The following PPP6R2 variants were observed in gnomAD, a reference collection of about 807,000 sequenced individuals.
PPP6R2 encodes the protein protein phosphatase 6 regulatory subunit 2.
PPP6R2 carries 62 observed loss-of-function variants against 100.2 expected under a neutral mutation model. The observed-to-expected ratio is 0.62, with a 90% CI of 0.50 to 0.76. PPP6R2 has a LOEUF of 0.76. PPP6R2 is among the 30% of genes least tolerant of loss of function. The probability of loss-of-function intolerance (pLI) is 0.00; values close to 1 mark genes in which losing one functional copy is unlikely to be tolerated. For synonymous variants in PPP6R2, 525 were observed against 514.7 expected (o/e 1.02, Z -0.27); for missense variants, 1,142 against 1,276.3 (o/e 0.89, Z 1.60).
At chr22:50,367,391 T>G (rs2048982097) in intron 1 of PPP6R2, among the ~76,000 whole-genome samples, 1 of 152,082 alleles carries the variant, frequency 6.6e-6, no homozygotes, top group Non-Finnish European at 1.5e-5. Flanking sequence ...AGACAGAATC[T>G]TAGGTGGAGG....
chr22:50,436,579 G>A, intron 14 of PPP6R2, 127 bp downstream of exon 14: 1 of 892,162 alleles, frequency 1.1e-6, no homozygotes, highest in Admixed American at 2.1e-5. Context: ...TGCTCCTCTT[G>A]ACTATGCGGT....
the PPP6R2 span, among the ~76,000 whole-genome samples, chr22:50,337,422 G>C: frequency 7.0e-6 from 1 of 142,710 alleles, no homozygotes; most frequent in Non-Finnish European, 1.5e-5. Context: ...TGGTGTGTGT[G>C]GGGTGTGTGT....
chr22:50,370,382 G>A (rs1444408409), intron 1 of PPP6R2, among the ~76,000 whole-genome samples: 2 of 151,986 alleles, frequency 1.3e-5, no homozygotes, highest in South Asian at 2.1e-4. Flanking sequence ...CTGCCTCCCA[G>A]GTTCAAGCAA....
At chr22:50,364,372 G>A (rs2048343406) in intron 1 of PPP6R2, among the ~76,000 whole-genome samples, 1 of 152,178 alleles carries the variant, frequency 6.6e-6, no homozygotes, top group African/African-American at 2.4e-5. Flanking sequence ...CTGCAAGTTA[G>A]TGATTGTCTC....
chr22:50,425,112 A>G (rs1457754159), intron 10 of PPP6R2, among the ~76,000 whole-genome samples: 3 of 152,016 alleles, frequency 2.0e-5, no homozygotes, highest in African/African-American at 7.3e-5. Flanking sequence ...GAAGTTTTTC[A>G]TTTTCCCAAA....
intron 4 of PPP6R2, among the ~76,000 whole-genome samples, chr22:50,411,163 T>C (rs2059690074): frequency 6.6e-6 from 1 of 152,142 alleles, no homozygotes; most frequent in African/African-American, 2.4e-5. Context: ...TGAAATAATA[T>C]GAAGAAAATC....
chr22:50,394,597 C>A (rs12159938), intron 3 of PPP6R2, among the ~76,000 whole-genome samples: 25 of 72,172 alleles, frequency 3.5e-4, no homozygotes, highest in African/African-American at 1.0e-3. Flanking sequence ...GAAACCCTGT[C>A]TTTAAAAAAA....
intron 4 of PPP6R2, among the ~76,000 whole-genome samples, chr22:50,410,469 CTTTTTTTTTTTTTTT>C: frequency 9.7e-6 from 1 of 103,380 alleles, no homozygotes. Flanking sequence ...TGAGTGGTGT[CTTTTTTTTTTTTTTT>C]TTTTTTTTTT....
At position 50,444,324 on chromosome 22, in the gene PPP6R2, T is replaced by A. The variant is rs1603429510; in HGVS notation, c.*77T>A. ...GAGAAAACTACCTGGTGATGCAATC[T>A]TTTTTTTTTTTAATTTAATTTAATT... On this transcript the variant is annotated 3_prime_UTR_variant, in exon 24 of 24. Coordinates refer to ENST00000612753, the MANE Select transcript of PPP6R2 (RefSeq NM_001242898.2). 9.0e-5 allele frequency: 6 copies of A among 66,762 alleles called. No homozygotes were observed. The Admixed American group carries it at 1.6e-3, about 17-fold the overall frequency. The allele number at this position is 66,762 out of a possible 1,614,324, so 4.1% of individuals were successfully genotyped here. A position where few individuals can be genotyped will look rare whatever the true frequency, so the allele number is the denominator to read the frequency against.
intron 1 of PPP6R2, among the ~76,000 whole-genome samples, chr22:50,351,026 G>GGTGT (rs1386357403): frequency 3.7e-5 from 3 of 80,742 alleles, no homozygotes; most frequent in Non-Finnish European, 6.8e-5. Flanking sequence ...TCTCAACAGT[G>GGTGT]TTTTTTTTTT....
chr22:50,349,078 C>G (rs1040243152), intron 1 of PPP6R2, among the ~76,000 whole-genome samples: 1 of 151,582 alleles, frequency 6.6e-6, no homozygotes, highest in Non-Finnish European at 1.5e-5. Context: ...GCCTGTAATC[C>G]CAGCTACTCA....
Position 50,423,943 on chromosome 22 carries a change from A to C in PPP6R2, c.1125+329A>C, listed in dbSNP as rs1468974588. ...GTTCTGACTGAACAACATAGAACTT[A>C]CACGGTGGTTATTAGGTATAAAATG... On this transcript the variant is annotated intron_variant, in intron 10 of 23. Transcript: ENST00000612753. This position sits in a 1 kb window ranked among gnomAD's most constrained non-coding sequence, Gnocchi z 4.8. Among the ~76,000 whole-genome samples the C allele has an allele frequency of 6.6e-6, 1 of 152,234 alleles. No homozygotes were observed. The highest frequency in any genetic ancestry group is 1.5e-5 in the Non-Finnish European group (1 of 68,042).
At chr22:50,334,624 A>G in the PPP6R2 span, among the ~76,000 whole-genome samples, 1 of 152,032 alleles carries the variant, frequency 6.6e-6, no homozygotes. Flanking sequence ...TCATTTGCAT[A>G]TCTATACAGA....
intron 16 of PPP6R2, 39 bp from the exon 17 acceptor site, chr22:50,437,804 C>T (rs886618346): frequency 1.0e-5 from 16 of 1,549,076 alleles, no homozygotes; most frequent in African/African-American, 8.2e-5. Flanking sequence ...GAGCAGTGGG[C>T]CTGGAGGAAC....
intron 4 of PPP6R2, among the ~76,000 whole-genome samples, chr22:50,410,632 T>C (rs1047618425): frequency 6.6e-6 from 1 of 150,950 alleles, no homozygotes; most frequent in African/African-American, 2.4e-5. Context: ...TAGAGTGAGA[T>C]TCTGTCTCCA....
intron 1 of PPP6R2, among the ~76,000 whole-genome samples, chr22:50,367,233 C>A (rs2048949064): frequency 6.6e-6 from 1 of 151,976 alleles, no homozygotes; most frequent in Admixed American, 6.6e-5. Flanking sequence ...GCAGAGGTGG[C>A]TTTCTCCCGG....
chr22:50,342,862 G>T (rs981219431), upstream of PPP6R2, among the ~76,000 whole-genome samples: 1 of 152,138 alleles, frequency 6.6e-6, no homozygotes, highest in Non-Finnish European at 1.5e-5. Context: ...GGCCAGGCCT[G>T]GCGCCCGGGG....
intron 1 of PPP6R2, among the ~76,000 whole-genome samples, chr22:50,367,396 T>C (rs566176646): frequency 6.6e-6 from 1 of 152,026 alleles, no homozygotes; most frequent in Non-Finnish European, 1.5e-5. Context: ...GAATCTTAGG[T>C]GGAGGGCACA....
intron 1 of PPP6R2, among the ~76,000 whole-genome samples, chr22:50,358,983 AAG>A (rs2047170158): frequency 9.9e-6 from 1 of 101,446 alleles, no homozygotes; most frequent in Admixed American, 1.0e-4. Flanking sequence ...AGTAGTGTAA[AAG>A]AACCGCCCCC....
Sources: allele counts gnomAD v4.1 joint callset (sites outside exome capture counted in the v4.1 genomes callset), GRCh38; gene constraint gnomAD v4.1.1; non-coding constraint Gnocchi (gnomAD v3.1); transcripts MANE v1.5; gene names NCBI Gene and HGNC (gene_info 2026-07-23, HGNC 2026-07-21).